NALF1: variants seen among roughly 807,000 people sequenced by gnomAD.
NALF1 encodes the protein family with sequence similarity 155 member A.
NALF1 carries 3 observed loss-of-function variants against 48.4 expected under a neutral mutation model. The observed-to-expected ratio is 0.06, with a 90% CI of 0.03 to 0.16. The LOEUF (loss-of-function observed/expected upper bound fraction) is 0.16, where lower values mean the gene tolerates loss of function less well. Ranked by LOEUF, NALF1 falls within the 10% of genes least tolerant of loss-of-function variation. The pLI is 1.00. For synonymous variants in NALF1, 262 were observed against 245.7 expected (o/e 1.07, Z -0.62); for missense variants, 526 against 571.5 (o/e 0.92, Z 0.81).
chr13:107,829,716 C>T (rs1051527299), intron 1 of NALF1, among the ~76,000 whole-genome samples: 3 of 152,114 alleles, frequency 2.0e-5, no homozygotes, highest in African/African-American at 7.2e-5. Flanking sequence ...AATTCTGCTG[C>T]TCCATAAACA....
At chr13:107,587,685 T>A (rs2138415202) in intron 1 of NALF1, among the ~76,000 whole-genome samples, 1 of 152,320 alleles carries the variant, frequency 6.6e-6, no homozygotes. Context: ...CAGTCTGAGA[T>A]GCAGCATTCT....
chr13:107,850,826 C>T (rs1880291891), intron 1 of NALF1, among the ~76,000 whole-genome samples: 1 of 151,902 alleles, frequency 6.6e-6, no homozygotes, highest in Non-Finnish European at 1.5e-5. Flanking sequence ...TCACTTGAAC[C>T]CAGGAGGCAG....
At chr13:107,573,666 A>G (rs895696373) in intron 1 of NALF1, among the ~76,000 whole-genome samples, 5 of 150,382 alleles carry the variant, frequency 3.3e-5, no homozygotes, top group African/African-American at 1.2e-4. Context: ...TGTAGCTCCC[A>G]CGATTCCCAC....
At chr13:107,805,369 T>C (rs952450327) in intron 1 of NALF1, among the ~76,000 whole-genome samples, 1 of 152,186 alleles carries the variant, frequency 6.6e-6, no homozygotes. Context: ...TCAGTACTTG[T>C]TATTTCAGAC....
chr13:107,653,670 G>T (rs1880504481), intron 1 of NALF1, among the ~76,000 whole-genome samples: 1 of 151,840 alleles, frequency 6.6e-6, no homozygotes, highest in African/African-American at 2.4e-5. Context: ...TATGAGAGAT[G>T]ACCTTCATGA....
chr13:107,495,569 T>C (rs1875303129), intron 1 of NALF1, among the ~76,000 whole-genome samples: 1 of 152,214 alleles, frequency 6.6e-6, no homozygotes, highest in Non-Finnish European at 1.5e-5. Flanking sequence ...TTGTATACCC[T>C]GTAGACAATA....
At chr13:107,421,444 G>C (rs2139009124) in intron 1 of NALF1, among the ~76,000 whole-genome samples, 2 of 152,130 alleles carry the variant, frequency 1.3e-5, no homozygotes, top group Middle Eastern at 6.8e-3. Context: ...TTATACCTTT[G>C]ATTCAAAAAA....
At chr13:107,643,148 T>A (rs1039959167) in intron 1 of NALF1, among the ~76,000 whole-genome samples, 1 of 152,160 alleles carries the variant, frequency 6.6e-6, no homozygotes, top group African/African-American at 2.4e-5. Context: ...GAGTCCGCCA[T>A]GGGTTATGGT....
intron 1 of NALF1, among the ~76,000 whole-genome samples, chr13:107,582,745 T>G (rs570980945): frequency 6.6e-6 from 1 of 152,322 alleles, no homozygotes; most frequent in South Asian, 2.1e-4. Flanking sequence ...GGAGTTCATA[T>G]TTAAGATCAA....
intron 1 of NALF1, among the ~76,000 whole-genome samples, chr13:107,504,728 C>A (rs1488204556): frequency 6.6e-6 from 1 of 152,192 alleles, no homozygotes; most frequent in Non-Finnish European, 1.5e-5. Flanking sequence ...TATCTTTTCA[C>A]TCAGGTCTTT....
At chr13:107,487,716 T>A (rs1885352068) in intron 1 of NALF1, among the ~76,000 whole-genome samples, 1 of 152,176 alleles carries the variant, frequency 6.6e-6, no homozygotes. Context: ...TTAATTTTGA[T>A]CAAGGATATT....
chr13:107,205,460 T>C (rs2138799232), intron 2 of NALF1, among the ~76,000 whole-genome samples: 1 of 152,188 alleles, frequency 6.6e-6, no homozygotes, highest in Non-Finnish European at 1.5e-5. Context: ...GCAGTGAACG[T>C]CCTTTCAGAC....
chr13:107,651,727 T>C (rs1377171818), intron 1 of NALF1, among the ~76,000 whole-genome samples: 3 of 152,204 alleles, frequency 2.0e-5, no homozygotes, highest in Non-Finnish European at 4.4e-5. Context: ...CAGCTTGTTA[T>C]GTGAGGTTCC....
At chr13:107,558,056 C>T (rs1190941358) in intron 1 of NALF1, among the ~76,000 whole-genome samples, 3 of 151,518 alleles carry the variant, frequency 2.0e-5, no homozygotes, top group African/African-American at 7.3e-5. Context: ...ACCCAAGCTG[C>T]GTCCCTGTTG....
At chr13:107,476,708 G>T (rs16970177) in intron 1 of NALF1, among the ~76,000 whole-genome samples, 2,288 of 151,926 alleles carry the variant, frequency 0.015, 50 homozygotes, top group African/African-American at 0.053. Flanking sequence ...GCAAATTTTT[G>T]CATTTAATAT....
At chr13:107,335,767 C>T (rs1594125435) in intron 1 of NALF1, among the ~76,000 whole-genome samples, 1 of 152,188 alleles carries the variant, frequency 6.6e-6, no homozygotes, top group Non-Finnish European at 1.5e-5. Context: ...CATTTACCTC[C>T]ACCTACCTTT....
At chr13:107,203,739 G>A (rs538959032) in intron 2 of NALF1, among the ~76,000 whole-genome samples, 26 of 152,270 alleles carry the variant, frequency 1.7e-4, no homozygotes, top group Admixed American at 4.6e-4. Context: ...TTGAACTCCC[G>A]TCCCTGCAAG....
At chr13:107,490,715 T>A (rs1424335727) in intron 1 of NALF1, among the ~76,000 whole-genome samples, 2 of 143,816 alleles carry the variant, frequency 1.4e-5, no homozygotes, top group Non-Finnish European at 3.0e-5. Flanking sequence ...AACTTAAAAG[T>A]TTTTTTTTTA....
At chr13:107,594,315 T>A (rs751391589) in intron 1 of NALF1, among the ~76,000 whole-genome samples, 2 of 152,092 alleles carry the variant, frequency 1.3e-5, no homozygotes, top group Non-Finnish European at 1.5e-5. Flanking sequence ...TCAACAAAGA[T>A]GAATTGATTT....
Sources: gnomAD v4.1 joint callset for allele counts (sites outside exome capture counted in the v4.1 genomes callset) on GRCh38, gnomAD v4.1.1 for gene constraint, MANE v1.5 for transcripts, NCBI Gene and HGNC (gene_info 2026-07-23, HGNC 2026-07-21) for gene names.